The following HAPLN1 variants were observed in gnomAD, a reference collection of about 807,000 sequenced individuals.
HAPLN1 encodes the protein hyaluronan and proteoglycan link protein 1.
HAPLN1 carries 13 observed loss-of-function variants against 36.5 expected under a neutral mutation model. The ratio of observed to expected loss-of-function variants is 0.36; its 90% CI spans 0.23 to 0.57. The LOEUF (loss-of-function observed/expected upper bound fraction) is 0.57, where lower values mean the gene tolerates loss of function less well. Ranked by LOEUF, HAPLN1 falls within the 20% of genes least tolerant of loss-of-function variation. The pLI is 0.83. For missense variants in HAPLN1, 407 were observed against 439.7 expected (o/e 0.93, Z 0.66); for synonymous variants, 202 against 169.8 (o/e 1.19, Z -1.48).
chr5:83,699,328 C>G (rs1751456208), intron 1 of HAPLN1, among the ~76,000 whole-genome samples: 1 of 152,124 alleles, frequency 6.6e-6, no homozygotes, highest in Admixed American at 6.5e-5. Context: ...GGCTGCTCAC[C>G]CTGAATGACG....
At chr5:83,647,250 T>C (rs1414928434) in intron 3 of HAPLN1, among the ~76,000 whole-genome samples, 1 of 152,314 alleles carries the variant, frequency 6.6e-6, no homozygotes, top group East Asian at 1.9e-4. Flanking sequence ...AGGGTCAAAG[T>C]GAAACTTATG....
In HAPLN1 at chr5:83,639,525, A is replaced by C. The variant is rs576691472; in HGVS notation, c.*1971T>G. ...AAATTATCGGAACATACATAATAAT[A>C]GTTCAAGTATGGACTTCTTTCAATG... On this transcript the variant is annotated 3_prime_UTR_variant, in exon 5 of 5. Coordinates refer to ENST00000274341, the MANE Select transcript of HAPLN1 (RefSeq NM_001884.4). 6.6e-6 allele frequency: 1 copy of C among 152,236 alleles called. No homozygotes were observed. The highest frequency in any genetic ancestry group is 2.1e-4 in the South Asian group (1 of 4,830). 9.4% of individuals were successfully genotyped at this position (152,236 alleles called of 1,614,324 possible). A position where few individuals can be genotyped will look rare whatever the true frequency, so the allele number is the denominator to read the frequency against.
At chr5:83,670,641 C>G (rs549404921) in intron 2 of HAPLN1, among the ~76,000 whole-genome samples, 2 of 152,160 alleles carry the variant, frequency 1.3e-5, no homozygotes, top group South Asian at 2.1e-4. Flanking sequence ...GCATAGGGGT[C>G]TACACTTGCT....
At chr5:83,706,189 C>CA (rs1751646391) in intron 1 of HAPLN1, among the ~76,000 whole-genome samples, 1 of 151,520 alleles carries the variant, frequency 6.6e-6, no homozygotes, top group South Asian at 2.1e-4. Context: ...TGTACCATTC[C>CA]AAAAAATCAA....
At chr5:83,666,194 C>G (rs1306217542) in intron 2 of HAPLN1, among the ~76,000 whole-genome samples, 2 of 152,088 alleles carry the variant, frequency 1.3e-5, no homozygotes, top group Non-Finnish European at 2.9e-5. Flanking sequence ...TTTCCACTTT[C>G]CACTTAAAGA....
At chr5:83,704,502 A>G (rs1357939931) in intron 1 of HAPLN1, among the ~76,000 whole-genome samples, 1 of 152,236 alleles carries the variant, frequency 6.6e-6, no homozygotes, top group Non-Finnish European at 1.5e-5. Context: ...GCTGCCTTCA[A>G]GAGAGATACC....
intron 3 of HAPLN1, among the ~76,000 whole-genome samples, chr5:83,645,313 G>C (rs1338560749): frequency 1.3e-5 from 2 of 151,918 alleles, no homozygotes; most frequent in Admixed American, 1.3e-4. Flanking sequence ...CCTTCACTTA[G>C]GGGGGACTCT....
In HAPLN1 at chr5:83,713,962, G is replaced by T. The variant is rs376632670; in HGVS notation, c.-27+6827C>A. Among the ~76,000 whole-genome samples, 56 of 152,216 alleles carry T rather than the reference G, an allele frequency of 3.7e-4. 1 individual carries two copies. The South Asian group carries it at 0.011, about 31-fold the overall frequency. ...AGTGATTATCATTTACATCTTAAAAGAGTTTATAAATTTAACAACATTGCT... is the reference window on the plus strand; with the variant it reads ...AGTGATTATCATTTACATCTTAAAATAGTTTATAAATTTAACAACATTGCT... On this transcript the variant is annotated intron_variant, in intron 1 of 4. Coordinates refer to ENST00000274341, the MANE Select transcript of HAPLN1 (RefSeq NM_001884.4).
intron 1 of HAPLN1, among the ~76,000 whole-genome samples, chr5:83,683,839 A>G (rs2112611404): frequency 6.6e-6 from 1 of 152,198 alleles, no homozygotes; most frequent in East Asian, 1.9e-4. Flanking sequence ...TACTGACCAT[A>G]TAAATGTCAT....
chr5:83,702,179 A>C (rs1296146546), intron 1 of HAPLN1, among the ~76,000 whole-genome samples: 1 of 152,088 alleles, frequency 6.6e-6, no homozygotes. Flanking sequence ...GAACTGCATA[A>C]ATGTTTGGGA....
chr5:83,692,691 G>A (rs529775325), intron 1 of HAPLN1, among the ~76,000 whole-genome samples: 1 of 151,954 alleles, frequency 6.6e-6, no homozygotes, highest in East Asian at 1.9e-4. Flanking sequence ...AGAATGAAGA[G>A]CACTGACTAT....
chr5:83,706,648 G>A (rs983819158), intron 1 of HAPLN1, among the ~76,000 whole-genome samples: 7 of 152,158 alleles, frequency 4.6e-5, no homozygotes, highest in Non-Finnish European at 1.0e-4. Flanking sequence ...AAAGCTGGAA[G>A]CATTCCCTTT....
chr5:83,652,649 C>T lies in HAPLN1; in HGVS notation c.276G>A (p.Val92=), dbSNP rs774195625. ...GGTATCCCATGGAAACAAAAACATC[C>T]ACTTCCTTGAGGTAATCCGAAGTTA... is the stretch of plus-strand genomic sequence containing the variant. ...TKLTSDYLKE[V]DVFVSMGYHK... is the part of the protein sequence containing the mutation. The change falls in exon 3 of 5, where the codon GTG becomes GTA. Residue 92 remains valine (V), a synonymous_variant. Coordinates refer to ENST00000274341, the MANE Select transcript of HAPLN1 (RefSeq NM_001884.4). 2 of 1,614,020 alleles carry T rather than the reference C, an allele frequency of 1.2e-6. No homozygotes were observed. The highest frequency in any genetic ancestry group is 1.7e-6 in the Non-Finnish European group (2 of 1,179,988).
At position 83,637,950 on chromosome 5, in the gene HAPLN1, A is replaced by G. The variant is rs1305770582; in HGVS notation, c.*3546T>C. Reference sequence around the variant, plus strand: ...TTAATTATGCTTTGAGTCATATACAAAGAGAAAAAAGTCAATATATTTTGG... The same window carrying G: ...TTAATTATGCTTTGAGTCATATACAGAGAGAAAAAAGTCAATATATTTTGG... On this transcript the variant is annotated 3_prime_UTR_variant, in exon 5 of 5. Coordinates refer to ENST00000274341, the MANE Select transcript of HAPLN1 (RefSeq NM_001884.4). 6.6e-6 allele frequency: 1 copy of G among 152,004 alleles called. No homozygotes were observed. Among genetic ancestry groups the G allele is most frequent in the African/African-American group, 2.4e-5 (1 of 41,438 alleles). The allele number at this position is 152,004 out of a possible 1,614,324, so 9.4% of individuals were successfully genotyped here.
rs1490692391 is a variant in HAPLN1, at chr5:83,683,690, C to T, written c.-26-10141G>A. Among the ~76,000 whole-genome samples, 3 of 152,256 alleles carry T rather than the reference C, an allele frequency of 2.0e-5. No individual in the cohort carries two copies. In the East Asian group the frequency reaches 5.8e-4, roughly 29 times the overall value. ...AGGGAAGTGGTGACATTGTGCACTT[C>T]TTCAAAAAGGAACTGCTATCTAAAA... On this transcript the variant is annotated intron_variant, in intron 1 of 4. Transcript: ENST00000274341.
chr5:83,684,574 T>C (rs1751077502), intron 1 of HAPLN1, among the ~76,000 whole-genome samples: 1 of 151,856 alleles, frequency 6.6e-6, no homozygotes, highest in Non-Finnish European at 1.5e-5. Flanking sequence ...AAACAGGAGA[T>C]AGAGAAGAGG....
At position 83,652,611 on chromosome 5, in the gene HAPLN1, T is replaced by C; in HGVS notation, c.314A>G (p.Tyr105Cys). The stretch of plus-strand genomic sequence containing the variant: ...AAACACTCTACCCTGGTAGCCTCCA[T>C]AGGTTTTTTTGTGGTATCCCATGGA... ...FVSMGYHKKT[Y>C]GGYQGRVFLK... The change falls in exon 3 of 5, where the codon TAT becomes TGT. Residue 105 changes from tyrosine to cysteine, a missense_variant. Tyr to Cys is a radical substitution (Grantham distance 194, BLOSUM62 -2). Coordinates refer to ENST00000274341, the MANE Select transcript of HAPLN1 (RefSeq NM_001884.4). 1 of 1,614,198 alleles carries C rather than the reference T, an allele frequency of 6.2e-7. No individual in the cohort carries two copies. The highest frequency in any genetic ancestry group is 8.5e-7 in the Non-Finnish European group (1 of 1,180,018).
chr5:83,650,651 T>C (rs1750029535), intron 3 of HAPLN1, among the ~76,000 whole-genome samples: 1 of 149,190 alleles, frequency 6.7e-6, no homozygotes, highest in Non-Finnish European at 1.5e-5. Flanking sequence ...TTTTTTTTTT[T>C]TGAGATGGAG....
intron 1 of HAPLN1, among the ~76,000 whole-genome samples, chr5:83,680,191 G>A (rs1266358094): frequency 1.3e-5 from 2 of 152,134 alleles, no homozygotes; most frequent in Non-Finnish European, 2.9e-5. Context: ...TAATGCTTGA[G>A]ATGGGGGTTA....
Sources: allele counts gnomAD v4.1 joint callset (sites outside exome capture counted in the v4.1 genomes callset), GRCh38; gene constraint gnomAD v4.1.1; transcripts MANE v1.5; gene names NCBI Gene and HGNC (gene_info 2026-07-23, HGNC 2026-07-21).